CRX: variants seen among roughly 807,000 people sequenced by gnomAD.
CRX encodes cone-rod homeobox.
Under a neutral mutation model 13.1 loss-of-function variants are expected in CRX, and 5 were observed. The ratio of observed to expected loss-of-function variants is 0.38; its 90% confidence interval spans 0.20 to 0.80. CRX has a LOEUF of 0.80. CRX is among the 30% of genes least tolerant of loss of function. CRX has a pLI of 0.43. For synonymous variants in CRX, 179 were observed against 171.1 expected, an observed-to-expected ratio of 1.05 and a Z score of -0.36; for missense variants, 351 against 391.8, an observed-to-expected ratio of 0.90 and a Z score of 0.88.
In CRX at chr19:47,840,036, G is replaced by C. The variant is rs1968176115; in HGVS notation, c.*69G>C. ...TCTCTTCTGAATCTGCTTCCCTGCA[G>C]TTTAGATCCCGGGATGGCATTCCTG... On this transcript the variant is annotated 3_prime_UTR_variant, in exon 4 of 4. Transcript: ENST00000221996. 3 of 1,582,052 alleles carry C rather than the reference G, an allele frequency of 1.9e-6. No individual in the cohort carries two copies. The South Asian group carries it at 3.3e-5, about 18-fold the overall frequency.
intron 1 of CRX, among the ~76,000 whole-genome samples, chr19:47,828,396 C>T (rs1178612813): frequency 2.0e-5 from 3 of 151,962 alleles, no homozygotes; most frequent in Non-Finnish European, 2.9e-5. Context: ...GTGAGAGGAA[C>T]GGAAGAGTGG....
Position 47,831,729 on chromosome 19 carries a change from C to T in CRX, c.-35-2680C>T, listed in dbSNP as rs548933389. Among the ~76,000 whole-genome samples, 28 of 151,974 alleles carry T rather than the reference C, an allele frequency of 1.8e-4. No homozygotes were observed. In the East Asian group the frequency reaches 4.6e-3, roughly 25 times the overall value. ...CAGCTTTTTTTGTCTTATTGCCGAG[C>T]CTAGAACTTTTTTTAATTTTTATTT... On this transcript the variant is annotated intron_variant, in intron 1 of 3. Transcript: ENST00000221996.
chr19:47,840,021 A>G lies in CRX; in HGVS notation c.*54A>G. On this transcript the variant is annotated 3_prime_UTR_variant, in exon 4 of 4. Coordinates refer to ENST00000221996, the MANE Select transcript of CRX (RefSeq NM_000554.6). ...GGCCTCGGGACCCTTTCTCTTCTGA[A>G]TCTGCTTCCCTGCAGTTTAGATCCC... The G allele has an allele frequency of 6.3e-7, 1 of 1,599,466 alleles. No homozygotes were observed. Among genetic ancestry groups the G allele is most frequent in the Non-Finnish European group, 8.5e-7 (1 of 1,175,546 alleles).
At chr19:47,825,302 C>T (rs917298373) in intron 1 of CRX, among the ~76,000 whole-genome samples, 6 of 151,992 alleles carry the variant, frequency 3.9e-5, no homozygotes, top group Admixed American at 6.6e-5. Context: ...GCTCTGTTGC[C>T]CAGGCTGGAG....
intron 1 of CRX, among the ~76,000 whole-genome samples, chr19:47,831,105 G>A (rs1331867677): frequency 2.6e-5 from 4 of 151,762 alleles, no homozygotes; most frequent in Admixed American, 1.3e-4. Flanking sequence ...TCAGGAGTTC[G>A]AGACCAGCCT....
chr19:47,823,973 T>C (rs1967943924), intron 1 of CRX, among the ~76,000 whole-genome samples: 1 of 152,164 alleles, frequency 6.6e-6, no homozygotes, highest in Admixed American at 6.5e-5. Flanking sequence ...AATCTTGTTC[T>C]TTTCTCACTG....
rs1968161921 is a variant in CRX, at chr19:47,839,374, CA to C, written c.308del (p.Gln103ArgfsTer84). 1.2e-6 allele frequency: 2 copies of C among 1,613,430 alleles called. No individual in the cohort carries two copies. Among genetic ancestry groups the C allele is most frequent in the Non-Finnish European group, 1.7e-6 (2 of 1,179,742 alleles). On this transcript the variant is annotated frameshift_variant, in exon 4 of 4. Transcript: ENST00000221996. LOFTEE classifies it low-confidence loss of function (END_TRUNC). The surrounding 1 kb of genome is among the most constrained non-coding windows in gnomAD (Gnocchi z 4.6). The part of the protein sequence containing the change: ...KCRQQRQQQK[Q>X]QQQPPGGQAK... The stretch of plus-strand genomic sequence containing the variant: ...CAGGCAGCAGCGACAGCAGCAGAAA[CA>C]GCAGCAGCAGCCCCCAGGGGGCCAG...
Position 47,837,955 on chromosome 19 carries a change from C to T in CRX, c.253-1365C>T, listed in dbSNP as rs191578031. ...TGGTGTATGTATGTATAATTGTATG[C>T]GTGTATGTTTGTATGCTGTAGGTAT... On this transcript the variant is annotated intron_variant, in intron 3 of 3. Transcript: ENST00000221996. 2.2e-3 allele frequency among the ~76,000 whole-genome samples: 330 copies of T among 151,396 alleles called. 1 individual carries two copies. Among genetic ancestry groups the T allele is most frequent in the Admixed American group, 3.5e-3 (53 of 15,232 alleles).
chr19:47,823,896 T>C (rs1006153473), intron 1 of CRX, among the ~76,000 whole-genome samples: 2 of 152,140 alleles, frequency 1.3e-5, no homozygotes, highest in African/African-American at 4.8e-5. Flanking sequence ...GTGATCCACC[T>C]GCCTCGGCCT....
intron 1 of CRX, among the ~76,000 whole-genome samples, chr19:47,833,845 T>C (rs1175274413): frequency 1.3e-5 from 2 of 151,986 alleles, no homozygotes; most frequent in East Asian, 3.9e-4. Context: ...TCTTAGAGTC[T>C]TGCTGTGTCA....
chr19:47,831,853 C>T (rs1336943913), intron 1 of CRX, among the ~76,000 whole-genome samples: 1 of 152,014 alleles, frequency 6.6e-6, no homozygotes, highest in Non-Finnish European at 1.5e-5. Context: ...AGCGATTCTC[C>T]TGCCTCAGCC....
rs1968194929 is a variant in CRX at position 47,841,402 on chromosome 19, G to A, written c.*1435G>A. ...TAGGATTTTCTAAAGGTGAGACACTGGTGGAACTGGGGTAGCTGCTTGGGA... is the reference window on the plus strand; with the variant it reads ...TAGGATTTTCTAAAGGTGAGACACTAGTGGAACTGGGGTAGCTGCTTGGGA... On this transcript the variant is annotated 3_prime_UTR_variant, in exon 4 of 4. Transcript: ENST00000221996. 1 of 152,086 alleles carries A rather than the reference G, an allele frequency of 6.6e-6. No individual in the cohort carries two copies. The highest frequency in any genetic ancestry group is 1.5e-5 in the Non-Finnish European group (1 of 68,030). The allele number at this position is 152,086 out of a possible 1,614,324, so 9.4% of individuals were successfully genotyped here. A position where few individuals can be genotyped will look rare whatever the true frequency, so the allele number is the denominator to read the frequency against.
At chr19:47,824,973 CCT>C (rs1967957602) in intron 1 of CRX, among the ~76,000 whole-genome samples, 1 of 144,134 alleles carries the variant, frequency 6.9e-6, no homozygotes, top group Non-Finnish European at 1.5e-5. Context: ...GGAGACAGGT[CCT>C]CTTTCGATTG....
At chr19:47,823,042 C>A (rs903586985) in intron 1 of CRX, among the ~76,000 whole-genome samples, 4 of 152,146 alleles carry the variant, frequency 2.6e-5, no homozygotes, top group Admixed American at 2.0e-4. Flanking sequence ...GTGATCAGCC[C>A]GCCTGAGCCT....
chr19:47,829,233 C>T (rs927529176), intron 1 of CRX, among the ~76,000 whole-genome samples: 5 of 151,632 alleles, frequency 3.3e-5, no homozygotes, highest in African/African-American at 7.3e-5. Context: ...CTCCTGCCTC[C>T]GCTTCCCAAG....
intron 1 of CRX, among the ~76,000 whole-genome samples, chr19:47,827,476 T>C (rs4802396): frequency 0.72 from 104,685 of 145,552 alleles, 39,033 homozygotes; most frequent in African/African-American, 0.84. Context: ...CCACCCCAAA[T>C]GCCTTCACTC....
intron 1 of CRX, among the ~76,000 whole-genome samples, chr19:47,828,811 A>G (rs1427812171): frequency 1.3e-5 from 2 of 151,340 alleles, no homozygotes; most frequent in Non-Finnish European, 2.9e-5. Context: ...CATCCTAATG[A>G]GGGCAATGAG....
Position 47,842,164 on chromosome 19 carries a change from T to G in CRX, c.*2197T>G, listed in dbSNP as rs538055541. ...GTTTCCAGCACTAGACCAGAAGAGG[T>G]GCACACAGCCTAGACCCCCTGAGGG... is the stretch of plus-strand genomic sequence containing the variant. On this transcript the variant is annotated 3_prime_UTR_variant, in exon 4 of 4. Coordinates refer to ENST00000221996, the MANE Select transcript of CRX (RefSeq NM_000554.6). 16 of 152,354 alleles carry G rather than the reference T, an allele frequency of 1.1e-4. No individual in the cohort carries two copies. The highest frequency in any genetic ancestry group is 8.5e-4 in the Admixed American group (13 of 15,280). 9.4% of individuals were successfully genotyped at this position (152,354 alleles called of 1,614,324 possible).
At chr19:47,823,796 T>A (rs1967941579) in intron 1 of CRX, among the ~76,000 whole-genome samples, 1 of 152,036 alleles carries the variant, frequency 6.6e-6, no homozygotes. Context: ...ATTACAGGCG[T>A]GCACCACCAT....
Sources: allele counts gnomAD v4.1 joint callset (sites outside exome capture counted in the v4.1 genomes callset), GRCh38; gene constraint gnomAD v4.1.1; non-coding constraint Gnocchi (gnomAD v3.1); transcripts MANE v1.5; gene names NCBI Gene and HGNC (gene_info 2026-07-23, HGNC 2026-07-21).